Variants in UTS2B observed in about 807,000 individuals in gnomAD.
UTS2B encodes the protein urotensin-2B.
Under a neutral mutation model 19.2 loss-of-function variants are expected in UTS2B, and 21 were observed. That is an observed-to-expected ratio of 1.09 (90% CI 0.78 to 1.58). UTS2B has a LOEUF of 1.58. Among genes scored for constraint, UTS2B ranks in the 40% most tolerant of loss-of-function variants. The pLI is 0.00. For missense variants in UTS2B, 138 were observed against 130.3 expected (o/e 1.06, Z -0.29); for synonymous variants, 57 against 50.2 (o/e 1.14, Z -0.58).
chr3:191,338,783 G>A, the UTS2B span, among the ~76,000 whole-genome samples: 6 of 152,084 alleles, frequency 3.9e-5, no homozygotes, highest in Non-Finnish European at 5.9e-5. Context: ...AAGTTGATTG[G>A]TGTTGTGATT....
At chr3:191,281,733 T>TA (rs1422592756) in intron 5 of UTS2B, among the ~76,000 whole-genome samples, 2 of 148,930 alleles carry the variant, frequency 1.3e-5, no homozygotes, top group African/African-American at 4.9e-5. Context: ...TTCCCCAAGA[T>TA]AGAGTTTTGA....
rs1033027333 is a variant in UTS2B at position 191,267,501 on chromosome 3, G to A, written c.*915C>T. On this transcript the variant is annotated 3_prime_UTR_variant, in exon 9 of 9. Coordinates refer to ENST00000340524, the MANE Select transcript of UTS2B (RefSeq NM_198152.5). ...TCTGGCCAGTAGCCCGCAATGCAACGGGGCTCTTTGTTCCCAGGCGGATCA... is the reference window on the plus strand; with the variant it reads ...TCTGGCCAGTAGCCCGCAATGCAACAGGGCTCTTTGTTCCCAGGCGGATCA... 3 of 152,196 alleles carry A rather than the reference G, an allele frequency of 2.0e-5. No individual in the cohort carries two copies. Among genetic ancestry groups the A allele is most frequent in the Admixed American group, 6.5e-5 (1 of 15,274 alleles). The allele number at this position is 152,196 out of a possible 1,614,324, so 9.4% of individuals were successfully genotyped here.
chr3:191,323,813 TG>T (rs1717672072), intron 2 of UTS2B, among the ~76,000 whole-genome samples: 1 of 152,094 alleles, frequency 6.6e-6, no homozygotes, highest in African/African-American at 2.4e-5. Flanking sequence ...CTTGTATAAT[TG>T]AAGAATTGTT....
rs577884022 is a variant in UTS2B at position 191,278,940 on chromosome 3, T to A, written c.104-770A>T. On this transcript the variant is annotated intron_variant, in intron 5 of 8. Coordinates refer to ENST00000340524, the MANE Select transcript of UTS2B (RefSeq NM_198152.5). Reference sequence around the variant, plus strand: ...TTATCACATAATTTCTGTAAGATCATCTTTTCTTCTCCCTGCCTCTTTGTA... The same window carrying A: ...TTATCACATAATTTCTGTAAGATCAACTTTTCTTCTCCCTGCCTCTTTGTA... Among the ~76,000 whole-genome samples, 10 of 152,214 alleles carry A rather than the reference T, an allele frequency of 6.6e-5. No homozygotes were observed. In the East Asian group the frequency reaches 1.5e-3, roughly 23 times the overall value.
chr3:191,269,370 A>G (rs1716026016), intron 8 of UTS2B, among the ~76,000 whole-genome samples: 1 of 152,132 alleles, frequency 6.6e-6, no homozygotes, highest in Admixed American at 6.5e-5. Context: ...CTCAGAGCCT[A>G]TTTTTCATTT....
intron 4 of UTS2B, among the ~76,000 whole-genome samples, chr3:191,300,301 G>A (rs1042638022): frequency 2.6e-5 from 4 of 151,930 alleles, no homozygotes; most frequent in African/African-American, 9.7e-5. Context: ...GCCCACCTCA[G>A]CCTCCCAAAG....
At chr3:191,333,530 A>G (rs544832806), upstream of UTS2B, among the ~76,000 whole-genome samples, 77 of 152,258 alleles carry the variant, frequency 5.1e-4, no homozygotes, top group African/African-American at 1.8e-3. Flanking sequence ...TCAAAATTCC[A>G]TAACAGTTTT....
intron 4 of UTS2B, among the ~76,000 whole-genome samples, chr3:191,294,023 G>A (rs942537436): frequency 2.6e-5 from 4 of 151,746 alleles, no homozygotes; most frequent in African/African-American, 4.9e-5. Context: ...CTGGAGAATC[G>A]CTTGAACCTG....
At chr3:191,291,264 A>C (rs1327468774) in intron 4 of UTS2B, among the ~76,000 whole-genome samples, 2 of 152,086 alleles carry the variant, frequency 1.3e-5, no homozygotes, top group Non-Finnish European at 2.9e-5. Context: ...GGGTAGTTTC[A>C]CTTTCTTGAT....
chr3:191,324,387 C>T (rs1717688584), intron 2 of UTS2B, among the ~76,000 whole-genome samples: 2 of 152,206 alleles, frequency 1.3e-5, no homozygotes, highest in Admixed American at 1.3e-4. Context: ...TATGGCTTGG[C>T]GATGTTCCCA....
intron 2 of UTS2B, among the ~76,000 whole-genome samples, chr3:191,321,073 T>C (rs1428042594): frequency 1.3e-5 from 2 of 152,176 alleles, no homozygotes; most frequent in Non-Finnish European, 2.9e-5. Context: ...GTAAGAATAG[T>C]TAGGAAGTAG....
intron 4 of UTS2B, among the ~76,000 whole-genome samples, chr3:191,287,120 C>G (rs2108580196): frequency 6.6e-6 from 1 of 152,190 alleles, no homozygotes; most frequent in African/African-American, 2.4e-5. Context: ...AATAAAAAGT[C>G]TCCCATCAAA....
In UTS2B at chr3:191,268,209, G is replaced by A; in HGVS notation, c.*207C>T. On this transcript the variant is annotated 3_prime_UTR_variant, in exon 9 of 9. Transcript: ENST00000340524. ...GTCCATTCATAGGCTCTCTACAGGG[G>A]GAAGCAAGTGCTGTTGGCTCATTCT... 2.3e-6 allele frequency: 1 copy of A among 430,148 alleles called. No individual in the cohort carries two copies. Among genetic ancestry groups the A allele is most frequent in the East Asian group, 4.1e-5 (1 of 24,254 alleles). 26.6% of individuals were successfully genotyped at this position (430,148 alleles called of 1,614,324 possible).
At chr3:191,333,217 C>G (rs535980524), upstream of UTS2B, among the ~76,000 whole-genome samples, 3 of 152,192 alleles carry the variant, frequency 2.0e-5, no homozygotes, top group Admixed American at 2.0e-4. Context: ...AATCCTTTTT[C>G]TTTAGTGAAA....
the UTS2B span, among the ~76,000 whole-genome samples, chr3:191,339,024 G>A: frequency 3.9e-4 from 59 of 152,248 alleles, no homozygotes; most frequent in East Asian, 8.9e-3. Context: ...TAGATAAAGG[G>A]GGGAAGGCTC....
chr3:191,286,359 G>A (rs1716543463), intron 4 of UTS2B, among the ~76,000 whole-genome samples: 1 of 151,154 alleles, frequency 6.6e-6, no homozygotes, highest in Non-Finnish European at 1.5e-5. Context: ...TATTCTCCAG[G>A]ATACGTCATG....
intron 3 of UTS2B, among the ~76,000 whole-genome samples, chr3:191,313,875 C>T (rs1376642345): frequency 6.6e-6 from 1 of 151,916 alleles, no homozygotes; most frequent in Admixed American, 6.6e-5. Flanking sequence ...AGCTCACTGG[C>T]GCCTGCCACC....
At chr3:191,308,062 C>T (rs1253784925) in intron 3 of UTS2B, among the ~76,000 whole-genome samples, 1 of 152,182 alleles carries the variant, frequency 6.6e-6, no homozygotes, top group Non-Finnish European at 1.5e-5. Context: ...TCTCAAACTC[C>T]TGACCTCGTG....
At chr3:191,269,619 C>T (rs1158060868) in intron 8 of UTS2B, among the ~76,000 whole-genome samples, 1 of 152,098 alleles carries the variant, frequency 6.6e-6, no homozygotes, top group African/African-American at 2.4e-5. Flanking sequence ...ATTCTCTAAC[C>T]TCAGCCTCCT....
Sources: allele counts gnomAD v4.1 joint callset (sites outside exome capture counted in the v4.1 genomes callset), GRCh38; gene constraint gnomAD v4.1.1; transcripts MANE v1.5; gene names NCBI Gene and HGNC (gene_info 2026-07-23, HGNC 2026-07-21).